DIPK1C: variants seen among roughly 807,000 people sequenced by gnomAD.
The protein encoded by DIPK1C is familial non-conventional Alzheimer's dementia.
DIPK1C carries 33 observed loss-of-function variants against 28.0 expected under a neutral mutation model. The observed-to-expected ratio is 1.18, with a 90% confidence interval of 0.89 to 1.58. The LOEUF (loss-of-function observed/expected upper bound fraction) is 1.58. Among genes scored for constraint, DIPK1C ranks in the 40% most tolerant of loss-of-function variants. DIPK1C has a pLI of 0.00. For synonymous variants in DIPK1C, 255 were observed against 248.8 expected, an observed-to-expected ratio of 1.02 and a Z score of -0.23; for missense variants, 569 against 568.5, an observed-to-expected ratio of 1.00 and a Z score of -0.01.
intron 1 of DIPK1C, among the ~76,000 whole-genome samples, chr18:74,451,948 C>T (rs1986406400): frequency 6.6e-6 from 1 of 152,228 alleles, no homozygotes; most frequent in Admixed American, 6.5e-5. Flanking sequence ...CACTGAGCAT[C>T]ATCGCTTAGC....
chr18:74,458,940 C>CA (rs61690822), upstream of DIPK1C, among the ~76,000 whole-genome samples: 9,910 of 123,244 alleles, frequency 0.08, 737 homozygotes, highest in African/African-American at 0.21. Context: ...CCAACCTGGG[C>CA]AAAAAAAAAA....
intron 2 of DIPK1C, 75 bp downstream of exon 2, chr18:74,446,531 A>G: frequency 7.5e-7 from 1 of 1,329,418 alleles, no homozygotes; most frequent in Non-Finnish European, 9.7e-7. Flanking sequence ...GAGCTCAGAA[A>G]CCTTCTCATT....
chr18:74,442,836 G>T (rs1391229856), intron 2 of DIPK1C, among the ~76,000 whole-genome samples: 2 of 152,176 alleles, frequency 1.3e-5, no homozygotes, highest in Non-Finnish European at 2.9e-5. Context: ...TATCACTTGG[G>T]TCTGTGACCT....
At chr18:74,459,707 C>T (rs538639175), upstream of DIPK1C, among the ~76,000 whole-genome samples, 3 of 152,280 alleles carry the variant, frequency 2.0e-5, no homozygotes, top group South Asian at 6.2e-4. Context: ...GTGAAATAAG[C>T]CTTAGTCCTC....
chr18:74,448,110 C>T (rs796202374), intron 1 of DIPK1C, among the ~76,000 whole-genome samples: 5 of 152,252 alleles, frequency 3.3e-5, no homozygotes, highest in African/African-American at 1.2e-4. Context: ...CTGAGAAGCC[C>T]GTCCAGCCCG....
chr18:74,446,855 C>A lies in DIPK1C; in HGVS notation c.627G>T (p.Val209=). 1 of 1,512,148 alleles carries A rather than the reference C, an allele frequency of 6.6e-7. No individual in the cohort carries two copies. 93.7% of individuals were successfully genotyped at this position (1,512,148 alleles called of 1,614,324 possible). Residue 209 remains valine (V), a synonymous_variant, in exon 2 of 4, where the codon GTG becomes GTT. Transcript: ENST00000343998. ...GGCCGCAGGAACCCAGCACGGGCAG[C>A]ACGTGTGGGCTCAGGTCCTGCAGCA... ...FSLLQDLSPH[V]LPVLGSCGHF...
intron 2 of DIPK1C, among the ~76,000 whole-genome samples, chr18:74,443,064 C>G (rs1003190946): frequency 1.3e-5 from 2 of 152,122 alleles, no homozygotes; most frequent in Admixed American, 1.3e-4. Flanking sequence ...TCAAAGTTAT[C>G]GAATTAGGAC....
At chr18:74,453,421 A>G (rs1172019778) in intron 1 of DIPK1C, among the ~76,000 whole-genome samples, 2 of 152,220 alleles carry the variant, frequency 1.3e-5, no homozygotes, top group African/African-American at 4.8e-5. Flanking sequence ...AATGTGGCCG[A>G]GCATTCAGGC....
rs560306085 is a variant in DIPK1C, at chr18:74,435,318, T to C, written c.*1183A>G. 6.6e-6 allele frequency: 1 copy of C among 152,356 alleles called. No individual in the cohort carries two copies. Among genetic ancestry groups the C allele is most frequent in the East Asian group, 1.9e-4 (1 of 5,180 alleles). The allele number at this position is 152,356 out of a possible 1,614,324, so 9.4% of individuals were successfully genotyped here. A position where few individuals can be genotyped will look rare whatever the true frequency, so the allele number is the denominator to read the frequency against. ...GTTGAGCACTCGTGGGTCACAGTTA[T>C]GGGTAGAAACCAGGTCCCTTTAAGT... On this transcript the variant is annotated 3_prime_UTR_variant, in exon 4 of 4. Coordinates refer to ENST00000343998, the MANE Select transcript of DIPK1C (RefSeq NM_001044369.3).
chr18:74,456,538 G>A (rs540598447), intron 1 of DIPK1C, among the ~76,000 whole-genome samples: 4 of 152,324 alleles, frequency 2.6e-5, no homozygotes, highest in Non-Finnish European at 4.4e-5. Context: ...GCGCAGGGGG[G>A]CCGGGGTCAG....
intron 1 of DIPK1C, among the ~76,000 whole-genome samples, 162 bp downstream of exon 1, chr18:74,456,900 G>T (rs892044329): frequency 1.3e-5 from 2 of 152,140 alleles, no homozygotes; most frequent in South Asian, 4.1e-4. Context: ...CCATTCGGGG[G>T]ACCGGGGCGT....
intron 1 of DIPK1C, among the ~76,000 whole-genome samples, chr18:74,454,427 C>G (rs1394741403): frequency 6.6e-6 from 1 of 152,220 alleles, no homozygotes; most frequent in African/African-American, 2.4e-5. Context: ...CCAGCAACGC[C>G]CCCCGCCAGG....
intron 2 of DIPK1C, among the ~76,000 whole-genome samples, chr18:74,446,103 A>G (rs1986254182): frequency 6.6e-6 from 1 of 152,202 alleles, no homozygotes; most frequent in African/African-American, 2.4e-5. Context: ...GAAGTCTTAC[A>G]TACGGAATGG....
rs1169900256 is a variant in DIPK1C at position 74,447,544 on chromosome 18, G to A, written c.199-261C>T. Among the ~76,000 whole-genome samples, 13 of 152,318 alleles carry A rather than the reference G, an allele frequency of 8.5e-5. No homozygotes were observed. The highest frequency in any genetic ancestry group is 6.2e-4 in the South Asian group (3 of 4,824). On this transcript the variant is annotated intron_variant, in intron 1 of 3. Coordinates refer to ENST00000343998, the MANE Select transcript of DIPK1C (RefSeq NM_001044369.3). This position sits in a 1 kb window ranked among gnomAD's most constrained non-coding sequence, Gnocchi z 4.1. ...CTACAGAATCAGGACACCTGCGGCC[G>A]GGAAGCACGACTTCCCATCGTTCAG...
chr18:74,449,088 A>G (rs1477932301), intron 1 of DIPK1C, among the ~76,000 whole-genome samples: 2 of 152,146 alleles, frequency 1.3e-5, no homozygotes, highest in African/African-American at 4.8e-5. Context: ...CAGCCTGGGC[A>G]ACAGAGCAAG....
intron 1 of DIPK1C, among the ~76,000 whole-genome samples, chr18:74,456,297 A>G (rs933641823): frequency 2.0e-5 from 3 of 152,250 alleles, no homozygotes; most frequent in African/African-American, 7.2e-5. Context: ...AGCCCAGCGT[A>G]CGCAGCAGTC....
chr18:74,441,857 C>G, intron 3 of DIPK1C, 95 bp downstream of exon 3: 1 of 1,352,386 alleles, frequency 7.4e-7, no homozygotes, highest in East Asian at 2.3e-5. Context: ...CTGAAAAGGT[C>G]GACCTTGAGC....
At chr18:74,451,050 A>G (rs1472078427) in intron 1 of DIPK1C, among the ~76,000 whole-genome samples, 1 of 152,182 alleles carries the variant, frequency 6.6e-6, no homozygotes, top group Admixed American at 6.5e-5. Flanking sequence ...AGCCCTGGCC[A>G]GGAAAGGGTG....
chr18:74,441,899 A>C, intron 3 of DIPK1C, 53 bp downstream of exon 3: 1 of 1,577,160 alleles, frequency 6.3e-7, no homozygotes, highest in Non-Finnish European at 8.6e-7. Context: ...GCTAGCGGGC[A>C]GAAACAGCCA....
Sources: allele counts gnomAD v4.1 joint callset (sites outside exome capture counted in the v4.1 genomes callset), GRCh38; gene constraint gnomAD v4.1.1; non-coding constraint Gnocchi (gnomAD v3.1); transcripts MANE v1.5; gene names NCBI Gene and HGNC (gene_info 2026-07-23, HGNC 2026-07-21).